Variants in DMD observed in about 807,000 individuals in gnomAD.
The protein encoded by DMD is mutant dystrophin.
Under a neutral mutation model 330.1 loss-of-function variants are expected in DMD, and 63 were observed. That is an observed-to-expected ratio of 0.19 (90% CI 0.16 to 0.24). The LOEUF (loss-of-function observed/expected upper bound fraction) is 0.24, where lower values mean the gene tolerates loss of function less well. Among genes scored for constraint, DMD ranks in the 10% least tolerant of loss-of-function variants. The pLI is 1.00. For missense variants in DMD, 3,344 were observed against 2,684.1 expected (o/e 1.25, Z -5.43); for synonymous variants, 1,223 against 959.8 (o/e 1.27, Z -5.07).
At chrX:33,075,148 T>A (rs926145780) in intron 1 of DMD, among the ~76,000 whole-genome samples, 1 of 111,711 alleles carries the variant, frequency 9.0e-6, no homozygotes, top group East Asian at 2.8e-4. Context: ...TTTTGAGATA[T>A]CTGTTCAGAT....
At chrX:32,598,892 G>C (rs1238113587) in intron 12 of DMD, among the ~76,000 whole-genome samples, 1 of 111,862 alleles carries the variant, frequency 8.9e-6, no homozygotes, top group African/African-American at 3.3e-5. Context: ...CTTACGGTGA[G>C]TACAAGGAAA....
intron 7 of DMD, among the ~76,000 whole-genome samples, chrX:32,737,012 A>G (rs761728318): frequency 9.9e-5 from 11 of 111,635 alleles, no homozygotes; most frequent in African/African-American, 3.2e-4. Flanking sequence ...ATTATATATA[A>G]AAAATTTCTT....
intron 7 of DMD, among the ~76,000 whole-genome samples, chrX:32,722,234 A>T (rs1374270329): frequency 9.1e-6 from 1 of 110,454 alleles, no homozygotes; most frequent in African/African-American, 3.3e-5. Flanking sequence ...TCAACCTTCT[A>T]TTTCCACGGA....
At chrX:32,172,807 A>C (rs1378841142) in intron 44 of DMD, among the ~76,000 whole-genome samples, 1 of 111,736 alleles carries the variant, frequency 8.9e-6, no homozygotes, top group East Asian at 2.8e-4. Flanking sequence ...ATGTTTATAA[A>C]ATTGAATTCA....
intron 48 of DMD, among the ~76,000 whole-genome samples, chrX:31,861,146 G>C (rs1603502746): frequency 9.0e-6 from 1 of 111,686 alleles, no homozygotes; most frequent in East Asian, 2.8e-4. Context: ...AAACAAAAAA[G>C]TAGCAAACAG....
At chrX:32,153,120 T>G (rs1045037881) in intron 44 of DMD, among the ~76,000 whole-genome samples, 2 of 112,407 alleles carry the variant, frequency 1.8e-5, no homozygotes, top group African/African-American at 6.5e-5. Context: ...ATTAGCTTAG[T>G]TATTTCAGTT....
chrX:33,027,064 C>A (rs186409626), intron 1 of DMD, among the ~76,000 whole-genome samples: 35 of 112,316 alleles, frequency 3.1e-4, no homozygotes, highest in Admixed American at 1.1e-3. Flanking sequence ...AAAATGGCCA[C>A]GTGCTAATCC....
intron 2 of DMD, among the ~76,000 whole-genome samples, chrX:33,016,397 T>G (rs1479244137): frequency 2.7e-5 from 3 of 111,427 alleles, no homozygotes; most frequent in African/African-American, 9.8e-5. Flanking sequence ...CTGGAAAACT[T>G]TATAGTTTTG....
intron 29 of DMD, among the ~76,000 whole-genome samples, chrX:32,424,341 G>C (rs759668584): frequency 1.3e-4 from 14 of 110,985 alleles, no homozygotes; most frequent in Non-Finnish European, 2.5e-4. Flanking sequence ...AAACCTAGAA[G>C]CTATATCCAT....
intron 47 of DMD, among the ~76,000 whole-genome samples, chrX:31,880,647 C>G (rs151091628): frequency 0.014 from 1,523 of 112,003 alleles, 13 homozygotes; most frequent in Non-Finnish European, 0.023. Flanking sequence ...CCCTATTATA[C>G]AGTCATTCAC....
chrX:32,627,585 C>G (rs771908954), intron 11 of DMD, among the ~76,000 whole-genome samples: 1 of 111,128 alleles, frequency 9.0e-6, no homozygotes, highest in Non-Finnish European at 1.9e-5. Flanking sequence ...AAAACGCAAA[C>G]AAGGGAAGGT....
At chrX:32,332,722 C>T (rs1454817078) in intron 41 of DMD, among the ~76,000 whole-genome samples, 1 of 110,464 alleles carries the variant, frequency 9.1e-6, no homozygotes, top group Non-Finnish European at 1.9e-5. Context: ...TTGGATTTCA[C>T]TTAAAAATAG....
chrX:31,226,507 T>TA (rs2046611469), intron 63 of DMD, among the ~76,000 whole-genome samples: 2 of 112,218 alleles, frequency 1.8e-5, no homozygotes, highest in South Asian at 7.5e-4. Flanking sequence ...TTCTTGAAGA[T>TA]AATTAACATT....
chrX:32,412,333 A>C, intron 29 of DMD: 1 of 603,870 alleles, frequency 1.7e-6, no homozygotes, highest in Non-Finnish European at 2.4e-6. Flanking sequence ...ATCTGCTTCC[A>C]CCAGTGAGAT....
At chrX:33,318,652 G>T (rs1368673945) in intron 1 of DMD, among the ~76,000 whole-genome samples, 1 of 108,494 alleles carries the variant, frequency 9.2e-6, no homozygotes, top group Non-Finnish European at 1.9e-5. Flanking sequence ...TCACCATGTT[G>T]GCCAAGCTGG....
chrX:32,488,603 T>C (rs747676172), intron 20 of DMD, among the ~76,000 whole-genome samples: 2 of 111,868 alleles, frequency 1.8e-5, no homozygotes, highest in South Asian at 3.8e-4. Flanking sequence ...TTCAAATTAA[T>C]AGACACCAAT....
intron 2 of DMD, among the ~76,000 whole-genome samples, chrX:33,001,346 G>A (rs1470424024): frequency 1.8e-5 from 2 of 111,745 alleles, no homozygotes; most frequent in Non-Finnish European, 3.8e-5. Context: ...TCTGTGAATT[G>A]CCCAGGGCTT....
chrX:31,349,917 T>C (rs2692977), intron 60 of DMD, among the ~76,000 whole-genome samples: 9,956 of 110,984 alleles, frequency 0.09, 326 homozygotes, highest in Non-Finnish European at 0.11. Flanking sequence ...GTGGCTCAGG[T>C]AGCCTGGTCT....
intron 34 of DMD, among the ~76,000 whole-genome samples, chrX:32,366,139 G>GA (rs928283961): frequency 8.9e-6 from 1 of 112,119 alleles, no homozygotes; most frequent in African/African-American, 3.2e-5. Context: ...CATTTAACAT[G>GA]AAAAAAGATA....
Sources: gnomAD v4.1 joint callset for allele counts (sites outside exome capture counted in the v4.1 genomes callset) on GRCh38, gnomAD v4.1.1 for gene constraint, MANE v1.5 for transcripts, NCBI Gene and HGNC (gene_info 2026-07-23, HGNC 2026-07-21) for gene names.